The following DAB2IP variants were observed in gnomAD, a reference collection of about 807,000 sequenced individuals.
DAB2IP encodes DAB2 interacting protein.
Under a neutral mutation model 107.2 loss-of-function variants are expected in DAB2IP, and 28 were observed. The ratio of observed to expected loss-of-function variants is 0.26; its 90% CI spans 0.19 to 0.36. The LOEUF (loss-of-function observed/expected upper bound fraction) is 0.36. Ranked by LOEUF, DAB2IP falls within the 10% of genes least tolerant of loss-of-function variation. The pLI, the probability that DAB2IP is intolerant of heterozygous loss-of-function variation, is 1.00. For synonymous variants in DAB2IP, 755 were observed against 706.4 expected (o/e 1.07, Z -1.09); for missense variants, 1,400 against 1,644.7 (o/e 0.85, Z 2.57).
At position 121,760,407 on chromosome 9, in the gene DAB2IP, G is replaced by A. The variant is rs1404775614; in HGVS notation, c.1138G>A (p.Val380Met). The A allele has an allele frequency of 2.5e-6, 4 of 1,607,122 alleles. No homozygotes were observed. The highest frequency in any genetic ancestry group is 3.4e-6 in the Non-Finnish European group (4 of 1,179,140). Reference sequence around the variant, plus strand: ...CAAGGAGGAGATGGCATCTGCCCTGGTGCACATCCTGCAGAGCACGGGCAA... The same window carrying A: ...CAAGGAGGAGATGGCATCTGCCCTGATGCACATCCTGCAGAGCACGGGCAA... Residue 380 changes from valine to methionine, a missense_variant, in exon 6 of 16, where the codon GTG becomes ATG. By Grantham distance (21) the Val-to-Met change is conservative. Transcript: ENST00000408936. This position sits in a 1 kb window ranked among gnomAD's most constrained non-coding sequence, Gnocchi z 5.9.
chr9:121,715,347 C>CTTT (rs201505312), intron 3 of DAB2IP, among the ~76,000 whole-genome samples: 2 of 148,608 alleles, frequency 1.3e-5, no homozygotes, highest in African/African-American at 5.1e-5. Flanking sequence ...CTTTTTCTTT[C>CTTT]TTTCTTTTTT....
At position 121,701,991 on chromosome 9, in the gene DAB2IP, G is replaced by C. The variant is rs1014676632; in HGVS notation, c.362+2533G>C. Among the ~76,000 whole-genome samples, 1 of 152,164 alleles carries C rather than the reference G, an allele frequency of 6.6e-6. No individual in the cohort carries two copies. The highest frequency in any genetic ancestry group is 1.5e-5 in the Non-Finnish European group (1 of 68,020). ...AGACGCTAGCCTCAGTGAGTGGGTG[G>C]GACACGAGTGGGAAGGACGGTGGGG... On this transcript the variant is annotated intron_variant, in intron 3 of 15. Coordinates refer to ENST00000408936, the Ensembl canonical transcript of DAB2IP. This position sits in a 1 kb window ranked among gnomAD's most constrained non-coding sequence, Gnocchi z 4.7.
intron 1 of DAB2IP, among the ~76,000 whole-genome samples, chr9:121,593,619 TTTA>T (rs1295973473): frequency 1.3e-5 from 2 of 150,848 alleles, no homozygotes; most frequent in Non-Finnish European, 2.9e-5. Context: ...TCTTTCTTTC[TTTA>T]TTAGTTTTAT....
intron 3 of DAB2IP, among the ~76,000 whole-genome samples, chr9:121,732,214 C>A (rs1292519300): frequency 6.6e-6 from 1 of 152,154 alleles, no homozygotes; most frequent in Admixed American, 6.5e-5. Flanking sequence ...CTGTGACAAC[C>A]AAGAAAGAAA....
chr9:121,700,089 C>T (rs1334510375), intron 3 of DAB2IP, among the ~76,000 whole-genome samples: 3 of 152,220 alleles, frequency 2.0e-5, no homozygotes, highest in Non-Finnish European at 4.4e-5. Flanking sequence ...GCCATCTCCT[C>T]TCCAGCCTAG....
intron 1 of DAB2IP, among the ~76,000 whole-genome samples, chr9:121,659,897 G>C (rs1833130658): frequency 6.6e-6 from 1 of 152,190 alleles, no homozygotes; most frequent in African/African-American, 2.4e-5. Flanking sequence ...GGCTGCCACA[G>C]GTCTCACTGG....
Position 121,678,787 on chromosome 9 carries a change from T to G in DAB2IP, c.228+6T>G. On this transcript the variant is annotated splice_donor_region_variant and intron_variant, in intron 2 of 15. Transcript: ENST00000408936. The stretch of plus-strand genomic sequence containing the variant: ...CCACGCCGTTCCGGGTCACGGTAAC[T>G]ATCTCTGCGTCACCAACACCGCCAC... 6.4e-7 allele frequency: 1 copy of G among 1,568,730 alleles called. No individual in the cohort carries two copies. Among genetic ancestry groups the G allele is most frequent in the Non-Finnish European group, 8.7e-7 (1 of 1,154,030 alleles).
At chr9:121,625,880 C>T (rs546843908) in intron 1 of DAB2IP, among the ~76,000 whole-genome samples, 2 of 152,254 alleles carry the variant, frequency 1.3e-5, no homozygotes, top group Admixed American at 6.5e-5. Context: ...TTCCGGCCAT[C>T]GTGGGCCCAC....
intron 1 of DAB2IP, among the ~76,000 whole-genome samples, chr9:121,595,336 T>A (rs527960910): frequency 2.0e-4 from 31 of 152,188 alleles, no homozygotes; most frequent in African/African-American, 7.5e-4. Flanking sequence ...CTTATACCTG[T>A]AATCCCAGCA....
rs1006239538 is a variant in DAB2IP, at chr9:121,736,036, C to A, written c.363-20977C>A. 1.3e-5 allele frequency among the ~76,000 whole-genome samples: 2 copies of A among 152,242 alleles called. No homozygotes were observed. Among genetic ancestry groups the A allele is most frequent in the African/African-American group, 4.8e-5 (2 of 41,478 alleles). On this transcript the variant is annotated intron_variant, in intron 3 of 15. Transcript: ENST00000408936. The surrounding 1 kb of genome is among the most constrained non-coding windows in gnomAD (Gnocchi z 4.6). ...CCGGGTGCTTTCCAGAAGAGAAAAC[C>A]CGGGACTGCTGCCTGGGAACCCAGT...
At position 121,592,105 on chromosome 9, in the gene DAB2IP, C is replaced by T. The variant is rs115645872; in HGVS notation, c.40+24877C>T. Among the ~76,000 whole-genome samples the T allele has an allele frequency of 4.1e-3, 626 of 152,258 alleles. 3 individuals carry two copies. Among genetic ancestry groups the T allele is most frequent in the African/African-American group, 0.014 (578 of 41,544 alleles). ...GATCTGGCCAGGCGCCAGTGGCTCA[C>T]GCCTATAATCCCAGCACTTTGGGAG... On this transcript the variant is annotated intron_variant, in intron 1 of 16. Coordinates refer to the DAB2IP transcript ENST00000259371.
At chr9:121,695,998 A>G (rs2118713702) in intron 2 of DAB2IP, among the ~76,000 whole-genome samples, 1 of 151,954 alleles carries the variant, frequency 6.6e-6, no homozygotes, top group African/African-American at 2.4e-5. Flanking sequence ...CCTCCCGAGT[A>G]GCTGGGATTA....
At chr9:121,730,915 A>C (rs1014069447) in intron 3 of DAB2IP, among the ~76,000 whole-genome samples, 9 of 152,224 alleles carry the variant, frequency 5.9e-5, no homozygotes, top group Non-Finnish European at 1.3e-4. Context: ...AGAAGTGTGC[A>C]CCATGTGCCA....
chr9:121,758,104 A>G (rs1300600261), intron 4 of DAB2IP, among the ~76,000 whole-genome samples: 1 of 152,186 alleles, frequency 6.6e-6, no homozygotes, highest in Non-Finnish European at 1.5e-5. Context: ...CTGCTGGTTC[A>G]CAGCAGGGGG....
chr9:121,699,598 T>C lies in DAB2IP; in HGVS notation c.362+140T>C, dbSNP rs1384062611. On this transcript the variant is annotated intron_variant, in intron 3 of 15. Transcript: ENST00000408936. This position sits in a 1 kb window ranked among gnomAD's most constrained non-coding sequence, Gnocchi z 6.2. ...CCCCACGCCGCCCGCCGGGAACTTA[T>C]GGGGCCACCTCGGCCGGACTAGGGG... 2.6e-5 allele frequency: 19 copies of C among 733,644 alleles called. No individual in the cohort carries two copies. The East Asian group carries it at 8.5e-4, about 33-fold the overall frequency. 45.4% of individuals were successfully genotyped at this position (733,644 alleles called of 1,614,324 possible). A position where few individuals can be genotyped will look rare whatever the true frequency, so the allele number is the denominator to read the frequency against.
At chr9:121,745,695 G>A (rs1322101324) in intron 3 of DAB2IP, among the ~76,000 whole-genome samples, 1 of 152,148 alleles carries the variant, frequency 6.6e-6, no homozygotes, top group African/African-American at 2.4e-5. Flanking sequence ...ATTGTGCCAG[G>A]AGGCAAGGGC....
chr9:121,778,421 T>C (rs1475636357), intron 14 of DAB2IP, among the ~76,000 whole-genome samples: 1 of 152,250 alleles, frequency 6.6e-6, no homozygotes, highest in African/African-American at 2.4e-5. Context: ...TGGGTCTTGC[T>C]TTCGTCTAAA....
In DAB2IP at chr9:121,599,524, G is replaced by A. The variant is rs929957862; in HGVS notation, c.40+32296G>A. 9.2e-5 allele frequency among the ~76,000 whole-genome samples: 14 copies of A among 151,870 alleles called. No individual in the cohort carries two copies. The highest frequency in any genetic ancestry group is 1.2e-4 in the Non-Finnish European group (8 of 67,924). Reference sequence around the variant, plus strand: ...GGCTGGGCAGGCCGGGTGGCCGCGGGAGCCCGGGAGCCGTAGAGCGGCGGC... The same window carrying A: ...GGCTGGGCAGGCCGGGTGGCCGCGGAAGCCCGGGAGCCGTAGAGCGGCGGC... On this transcript the variant is annotated intron_variant, in intron 1 of 16. Coordinates refer to the DAB2IP transcript ENST00000259371. This position sits in a 1 kb window ranked among gnomAD's most constrained non-coding sequence, Gnocchi z 6.9.
Position 121,763,484 on chromosome 9 carries a change from C to T in DAB2IP, c.1171-21C>T, listed in dbSNP as rs1264836979. 1.9e-6 allele frequency: 3 copies of T among 1,603,758 alleles called. No homozygotes were observed. In the East Asian group the frequency reaches 6.7e-5, roughly 36 times the overall value. ...GCCAGGCCAGCTCAGGTCCTGCTCT[C>T]TCCACCTCCTGCCTCCCCAGGACTT... On this transcript the variant is annotated intron_variant, in intron 6 of 15. Coordinates refer to ENST00000408936, the Ensembl canonical transcript of DAB2IP.
Sources: allele counts gnomAD v4.1 joint callset (sites outside exome capture counted in the v4.1 genomes callset), GRCh38; gene constraint gnomAD v4.1.1; non-coding constraint Gnocchi (gnomAD v3.1); transcripts MANE v1.5; gene names NCBI Gene and HGNC (gene_info 2026-07-23, HGNC 2026-07-21).